Variants in CDH2 observed in about 807,000 individuals in gnomAD.
CDH2 encodes the protein cadherin-2.
Under a neutral mutation model 92.0 loss-of-function variants are expected in CDH2, and 17 were observed. The observed-to-expected ratio is 0.18, with a 90% CI of 0.13 to 0.28. The LOEUF is 0.28. Among genes scored for constraint, CDH2 ranks in the 10% least tolerant of loss-of-function variants. The probability of loss-of-function intolerance (pLI) is 1.00; values close to 1 mark genes in which losing one functional copy is unlikely to be tolerated. For missense variants in CDH2, 862 were observed against 1,133.1 expected (o/e 0.76, Z 3.44); for synonymous variants, 419 against 415.9 (o/e 1.01, Z -0.09).
intron 2 of CDH2, among the ~76,000 whole-genome samples, chr18:28,073,950 C>T (rs2014668771): frequency 6.6e-6 from 1 of 152,132 alleles, no homozygotes; most frequent in African/African-American, 2.4e-5. Flanking sequence ...CATTCACTAT[C>T]TTGTTATTTA....
chr18:27,936,781 T>C (rs1909030001), intron 6 of CDH2, among the ~76,000 whole-genome samples: 1 of 152,134 alleles, frequency 6.6e-6, no homozygotes, highest in African/African-American at 2.4e-5. Context: ...GTGATCCTCC[T>C]GCCTTGGCTC....
chr18:27,942,866 C>T (rs1402770379), intron 6 of CDH2, among the ~76,000 whole-genome samples: 1 of 151,916 alleles, frequency 6.6e-6, no homozygotes, highest in Admixed American at 6.6e-5. Flanking sequence ...CTTTCTAGGC[C>T]CTGGAGAGAC....
chr18:27,962,002 T>C (rs190948015), intron 15 of CDH2, among the ~76,000 whole-genome samples: 2 of 152,202 alleles, frequency 1.3e-5, no homozygotes, highest in South Asian at 2.1e-4. Flanking sequence ...AGTCAGAAGA[T>C]TCACTATAAC....
rs1008901700 is a variant in CDH2, at chr18:27,977,837, A to G, written c.2349+5107T>C. On this transcript the variant is annotated intron_variant, in intron 14 of 15. Coordinates refer to ENST00000269141, the MANE Select transcript of CDH2 (RefSeq NM_001792.5). ...GACCAGCACCTCGTCATCACCAGCCATTCACACCTGAAGGTACACACAGGC... is the reference window on the plus strand; with the variant it reads ...GACCAGCACCTCGTCATCACCAGCCGTTCACACCTGAAGGTACACACAGGC... 7.2e-5 allele frequency among the ~76,000 whole-genome samples: 11 copies of G among 152,330 alleles called. 1 individual carries two copies. In the South Asian group the frequency reaches 2.1e-3, roughly 29 times the overall value.
intron 2 of CDH2, chr18:28,097,153 A>G (rs1301485678): frequency 6.6e-6 from 1 of 152,188 alleles, no homozygotes; most frequent in Non-Finnish European, 1.5e-5. Flanking sequence ...TCTGATGTGC[A>G]GGATAAAAGA....
At chr18:27,981,397 A>G (rs1384102462) in intron 14 of CDH2, among the ~76,000 whole-genome samples, 1 of 152,226 alleles carries the variant, frequency 6.6e-6, no homozygotes, top group East Asian at 1.9e-4. Flanking sequence ...ACCCTAAGGT[A>G]TATTTATAGA....
intron 2 of CDH2, among the ~76,000 whole-genome samples, chr18:28,138,213 G>A (rs1050702723): frequency 1.3e-5 from 2 of 151,918 alleles, no homozygotes; most frequent in East Asian, 1.9e-4. Flanking sequence ...TCCAGATAAC[G>A]TTGAAGCTAG....
intron 2 of CDH2, chr18:28,045,614 G>A (rs1045995415): frequency 9.7e-6 from 3 of 309,682 alleles, no homozygotes; most frequent in Non-Finnish European, 1.9e-5. Flanking sequence ...CTGGGCCAGT[G>A]GCTACTCATC....
At chr18:28,044,074 A>C (rs17535545) in intron 2 of CDH2, among the ~76,000 whole-genome samples, 5 of 151,354 alleles carry the variant, frequency 3.3e-5, no homozygotes, top group African/African-American at 7.3e-5. Flanking sequence ...CACCACGCCC[A>C]GCTGATTTTT....
intron 2 of CDH2, among the ~76,000 whole-genome samples, chr18:28,083,020 GC>G (rs2014860867): frequency 6.6e-6 from 1 of 152,234 alleles, no homozygotes; most frequent in South Asian, 2.1e-4. Flanking sequence ...TGCCAACTGA[GC>G]AAAAAAGAAT....
chr18:28,010,021 C>CT (rs2013051802), intron 4 of CDH2, 149 bp from the exon 5 acceptor site: 1 of 510,556 alleles, frequency 2.0e-6, no homozygotes, highest in African/African-American at 1.9e-5. Flanking sequence ...AGTGCCTGTT[C>CT]TTCCTCTGCT....
intron 2 of CDH2, among the ~76,000 whole-genome samples, chr18:28,123,864 A>G (rs1383903047): frequency 6.6e-6 from 1 of 152,186 alleles, no homozygotes; most frequent in Non-Finnish European, 1.5e-5. Flanking sequence ...GCAGCCACAG[A>G]GCAGCAATTT....
intron 2 of CDH2, among the ~76,000 whole-genome samples, chr18:28,097,558 T>A (rs1452002698): frequency 6.6e-6 from 1 of 152,068 alleles, no homozygotes; most frequent in Non-Finnish European, 1.5e-5. Context: ...ACAAAAAATA[T>A]TTGAAAAAAA....
At chr18:28,106,767 T>C (rs1056579163) in intron 2 of CDH2, among the ~76,000 whole-genome samples, 1 of 152,174 alleles carries the variant, frequency 6.6e-6, no homozygotes, top group Admixed American at 6.5e-5. Context: ...GTCTTTAAAA[T>C]AATGTATAAT....
chr18:28,123,643 G>A (rs971489961), intron 2 of CDH2, among the ~76,000 whole-genome samples: 1 of 152,122 alleles, frequency 6.6e-6, no homozygotes, highest in African/African-American at 2.4e-5. Context: ...TCGTGCTTTA[G>A]AAAGAAAAAC....
chr18:28,165,028 A>G (rs957954390), intron 1 of CDH2, among the ~76,000 whole-genome samples: 1 of 152,236 alleles, frequency 6.6e-6, no homozygotes, highest in Non-Finnish European at 1.5e-5. Context: ...TGAATATAGA[A>G]CAAAGTCTTG....
chr18:28,163,553 C>T (rs558775841), intron 1 of CDH2, among the ~76,000 whole-genome samples: 21 of 152,304 alleles, frequency 1.4e-4, no homozygotes, highest in African/African-American at 4.8e-4. Flanking sequence ...GGCATTTATA[C>T]CCAGGTGGCA....
chr18:27,981,207 C>T (rs1228128510), intron 14 of CDH2, among the ~76,000 whole-genome samples: 1 of 151,932 alleles, frequency 6.6e-6, no homozygotes, highest in Non-Finnish European at 1.5e-5. Context: ...TAGGTTTATG[C>T]CTTTGTAAAG....
intron 14 of CDH2, among the ~76,000 whole-genome samples, chr18:27,967,349 C>T (rs17462745): frequency 0.16 from 24,996 of 152,080 alleles, 2,359 homozygotes; most frequent in East Asian, 0.4. Flanking sequence ...TGATAAAAAA[C>T]GCTCCCTAAT....
Sources: gnomAD v4.1 joint callset for allele counts (sites outside exome capture counted in the v4.1 genomes callset) on GRCh38, gnomAD v4.1.1 for gene constraint, MANE v1.5 for transcripts, NCBI Gene and HGNC (gene_info 2026-07-23, HGNC 2026-07-21) for gene names.